Variants in SHANK1 observed in about 807,000 individuals in gnomAD.
SHANK1 encodes the protein SH3 and multiple ankyrin repeat domains protein 1.
A neutral mutation model predicts 165.6 loss-of-function variants in SHANK1; 35 were observed. That is an observed-to-expected ratio of 0.21 (90% CI 0.16 to 0.28). SHANK1 has a LOEUF of 0.28. Ranked by LOEUF, SHANK1 falls within the 10% of genes least tolerant of loss-of-function variation. The pLI, the probability that SHANK1 is intolerant of heterozygous loss-of-function variation, is 1.00. For synonymous variants in SHANK1, 1,428 were observed against 1,384.8 expected, an observed-to-expected ratio of 1.03 and a Z score of -0.69; for missense variants, 2,681 against 3,036.4, an observed-to-expected ratio of 0.88 and a Z score of 2.75.
At chr19:50,677,268 T>C (rs570803177) in intron 21 of SHANK1, among the ~76,000 whole-genome samples, 23 of 151,956 alleles carry the variant, frequency 1.5e-4, no homozygotes, top group Non-Finnish European at 2.2e-4. Flanking sequence ...GCTGAGACTA[T>C]AGGTTCCCAC....
intron 23 of SHANK1, among the ~76,000 whole-genome samples, chr19:50,664,687 C>A (rs1985407579): frequency 6.6e-6 from 1 of 152,218 alleles, no homozygotes; most frequent in Non-Finnish European, 1.5e-5. Context: ...ATTTCAGGGA[C>A]TGTCAGAAAG....
chr19:50,685,924 A>G (rs186224756), intron 21 of SHANK1, among the ~76,000 whole-genome samples: 88 of 152,052 alleles, frequency 5.8e-4, no homozygotes, highest in African/African-American at 1.9e-3. Context: ...CCATGACATC[A>G]TTTTGCCTTC....
chr19:50,670,296 T>A lies in SHANK1; in HGVS notation c.2675-1011A>T, dbSNP rs10417961. Among the ~76,000 whole-genome samples the A allele has an allele frequency of 0.3, 45,754 of 151,942 alleles. 7,864 individuals carry two copies. Among genetic ancestry groups the A allele is most frequent in the African/African-American group, 0.47 (19,495 of 41,400 alleles). On this transcript the variant is annotated intron_variant, in intron 22 of 23. Transcript: ENST00000293441. This position sits in a 1 kb window ranked among gnomAD's most constrained non-coding sequence, Gnocchi z 4.1. ...TCTTCCTCAAGTCACCCACATCCAA[T>A]CCACCAGCAAATCCTGTTGTTTCAA...
Position 50,668,410 on chromosome 19 carries a change from G to C in SHANK1, c.3550C>G (p.Gln1184Glu). Residue 1184 changes from glutamine to glutamate, a missense_variant, in exon 23 of 24, where the codon CAG becomes GAG. Coordinates refer to ENST00000293441, the MANE Select transcript of SHANK1 (RefSeq NM_016148.5). Reference protein sequence around the residue: ...GSSTEAEPPTQPEPTGGGGGG... With the variant: ...GSSTEAEPPTEPEPTGGGGGG... Reference sequence around the variant, plus strand: ...CCGCCGCCTCCCGTGGGCTCCGGCTGGGTGGGGGGCTCCGCCTCGGTGCTG... The same window carrying C: ...CCGCCGCCTCCCGTGGGCTCCGGCTCGGTGGGGGGCTCCGCCTCGGTGCTG... 7.5e-7 allele frequency: 1 copy of C among 1,324,818 alleles called. No individual in the cohort carries two copies. The highest frequency in any genetic ancestry group is 2.8e-5 in the South Asian group (1 of 35,564). 82.1% of individuals were successfully genotyped at this position (1,324,818 alleles called of 1,614,324 possible).
At position 50,666,230 on chromosome 19, in the gene SHANK1, G is replaced by T; in HGVS notation, c.5730C>A (p.Ser1910Arg). ...GGGAGGAGGTCCTCTCGGGGACATA[G>T]CTGGCTCCCCCGTGGTGGCTGTCTC... ...GGGDSHHGGA[S>R]YVPERTSSLQ... Residue 1910 changes from serine to arginine, a missense_variant, in exon 23 of 24, where the codon AGC (serine) becomes AGA (arginine). By Grantham distance (110) the Ser-to-Arg change is moderately radical. Transcript: ENST00000293441. 6.2e-7 allele frequency: 1 copy of T among 1,608,088 alleles called. No homozygotes were observed. The highest frequency in any genetic ancestry group is 1.1e-5 in the South Asian group (1 of 89,892).
chr19:50,694,792 G>A (rs1475648267), intron 15 of SHANK1, among the ~76,000 whole-genome samples: 1 of 148,112 alleles, frequency 6.8e-6, no homozygotes, highest in East Asian at 2.0e-4. Context: ...GGGGCGGGTT[G>A]GGGGAAGGGG....
At chr19:50,695,289 C>G (rs1432991876) in intron 15 of SHANK1, among the ~76,000 whole-genome samples, 4 of 146,648 alleles carry the variant, frequency 2.7e-5, no homozygotes, top group Non-Finnish European at 4.5e-5. Flanking sequence ...CGGGCCGCGG[C>G]GGTAGCGCGA....
intron 15 of SHANK1, among the ~76,000 whole-genome samples, chr19:50,691,350 C>G (rs3902011): frequency 0.019 from 2,926 of 152,210 alleles, 62 homozygotes; most frequent in African/African-American, 0.048. Context: ...TTCCAGGTCT[C>G]CAAGGCCCCC....
rs892452103 is a variant in SHANK1, at chr19:50,660,010, C to T, written c.*1955G>A. ...CATGGTGAGGGGAGGGGGCTTGCAG[C>T]CCCCTCCCCTCATGGACGGAGCGCC... On this transcript the variant is annotated 3_prime_UTR_variant, in exon 24 of 24. Coordinates refer to ENST00000293441, the MANE Select transcript of SHANK1 (RefSeq NM_016148.5). 2.0e-5 allele frequency among the ~76,000 whole-genome samples: 3 copies of T among 150,282 alleles called. No individual in the cohort carries two copies. The highest frequency in any genetic ancestry group is 4.5e-5 in the Non-Finnish European group (3 of 67,378).
In SHANK1 at chr19:50,666,390, T is replaced by C; in HGVS notation, c.5570A>G (p.Gln1857Arg). 1 of 1,613,426 alleles carries C rather than the reference T, an allele frequency of 6.2e-7. No homozygotes were observed. Among genetic ancestry groups the C allele is most frequent in the East Asian group, 2.2e-5 (1 of 44,858 alleles). The change falls in exon 23 of 24, where the codon CAG (glutamine) becomes CGG (arginine). Residue 1857 changes from glutamine to arginine, a missense_variant. Physicochemically the swap from Gln to Arg is conservative, Grantham distance 43. Coordinates refer to ENST00000293441, the MANE Select transcript of SHANK1 (RefSeq NM_016148.5). ...PPPPLPGPLA[Q>R]PQASALATVK... ...TGTGGCCAAGGCTGAGGCCTGAGGC[T>C]GGGCCAAGGGCCCGGGCAGAGGTGG...
Position 50,668,361 on chromosome 19 carries a change from G to T in SHANK1, c.3599C>A (p.Pro1200His). ...GGGCACGGGTGACATGGCCGGGGCGGGGCTGGGCGAGGAGCCGCCGCCGCC... is the reference window on the plus strand; with the variant it reads ...GGGCACGGGTGACATGGCCGGGGCGTGGCTGGGCGAGGAGCCGCCGCCGCC... ...GGGGGGSSPS[P>H]APAMSPVPPS... Residue 1200 changes from proline (P) to histidine (H), a missense_variant, in exon 23 of 24, where the codon CCC (proline) becomes CAC (histidine). Pro to His is a moderately conservative substitution (Grantham distance 77, BLOSUM62 -2). This residue lies in a region of SHANK1 where 1,713 missense variants were observed against 1,630.2 expected (regional missense o/e 1.05). Transcript: ENST00000293441. The T allele has an allele frequency of 7.9e-7, 1 of 1,264,058 alleles. No homozygotes were observed. 78.3% of individuals were successfully genotyped at this position (1,264,058 alleles called of 1,614,324 possible).
At chr19:50,704,395 C>T in intron 9 of SHANK1, 42 bp downstream of exon 9, 1 of 1,586,066 alleles carries the variant, frequency 6.3e-7, no homozygotes, top group Non-Finnish European at 8.7e-7. Context: ...TCACCCTTTC[C>T]TTAGCCCTGG....
chr19:50,666,830 AC>A lies in SHANK1; in HGVS notation c.5129del (p.Gly1710ValfsTer43). ...CCACACCGGCCCCAGCCCCGCCCCC[AC>A]CCCCTGCGCTGCCACCACCTTCGGC... ...LSAEGGGSAGGGGGAGAGVAS... is the reference protein window; with the variant it reads ...LSAEGGGSAGXGGGAGAGVAS... On this transcript the variant is annotated frameshift_variant, in exon 23 of 24. Transcript: ENST00000293441. LOFTEE classifies it high-confidence loss of function. 6.4e-7 allele frequency: 1 copy of A among 1,550,538 alleles called. No individual in the cohort carries two copies.
chr19:50,695,149 C>T (rs1190912920), intron 15 of SHANK1, among the ~76,000 whole-genome samples: 2 of 146,450 alleles, frequency 1.4e-5, no homozygotes, highest in African/African-American at 2.5e-5. Context: ...GTCCGGGCCC[C>T]CAGGCCCCGC....
Position 50,667,148 on chromosome 19 carries a change from A to G in SHANK1, c.4812T>C (p.Pro1604=), listed in dbSNP as rs1466227692. The change falls in exon 23 of 24, where the codon CCT becomes CCC. Residue 1604 remains proline (P), a synonymous_variant. Coordinates refer to ENST00000293441, the MANE Select transcript of SHANK1 (RefSeq NM_016148.5). The surrounding 1 kb of genome is among the most constrained non-coding windows in gnomAD (Gnocchi z 5.7). Reference sequence around the variant, plus strand: ...CTGCGGCCACAGCCGGGGGTGGCACAGGGGGTAACGGGGTGGCAGGGGCAG... The same window carrying G: ...CTGCGGCCACAGCCGGGGGTGGCACGGGGGGTAACGGGGTGGCAGGGGCAG... The part of the protein sequence containing the change: ...DTPAPATPLP[P]VPPPAVAAAP... The G allele has an allele frequency of 1.6e-5, 21 of 1,329,144 alleles. No homozygotes were observed. In the Admixed American group the frequency reaches 3.9e-4, roughly 25 times the overall value. 82.3% of individuals were successfully genotyped at this position (1,329,144 alleles called of 1,614,324 possible). A position where few individuals can be genotyped will look rare whatever the true frequency, so the allele number is the denominator to read the frequency against.
At chr19:50,683,542 G>A (rs1464251704) in intron 21 of SHANK1, among the ~76,000 whole-genome samples, 2 of 152,026 alleles carry the variant, frequency 1.3e-5, no homozygotes, top group Admixed American at 6.6e-5. Flanking sequence ...GCACATCACG[G>A]CCTTCTCGCA....
Position 50,706,582 on chromosome 19 carries a change from A to G in SHANK1, c.1078-2068T>C, listed in dbSNP as rs371541661. 1.3e-4 allele frequency among the ~76,000 whole-genome samples: 19 copies of G among 151,736 alleles called. No homozygotes were observed. In the East Asian group the frequency reaches 2.1e-3, roughly 17 times the overall value. On this transcript the variant is annotated intron_variant, in intron 8 of 23. Transcript: ENST00000293441. ...GGCCACCTCCTTCCTCTGACAGCAC[A>G]CTAATGCCCCAGGACCTTTGCACGG...
intron 21 of SHANK1, among the ~76,000 whole-genome samples, chr19:50,675,055 C>T (rs1226348426): frequency 8.9e-6 from 1 of 112,900 alleles, no homozygotes; most frequent in African/African-American, 3.8e-5. Flanking sequence ...GAGCAACACT[C>T]GGTCTCAAAA....
chr19:50,681,149 C>G lies in SHANK1; in HGVS notation c.2577+5088G>C, dbSNP rs182167790. ...GAACAAGACCAGACGTCGAGAGAGG[C>G]CACCAAGATGCAGAAACCTCATGAA... On this transcript the variant is annotated intron_variant, in intron 21 of 23. Coordinates refer to ENST00000293441, the MANE Select transcript of SHANK1 (RefSeq NM_016148.5). Among the ~76,000 whole-genome samples, 232 of 151,440 alleles carry G rather than the reference C, an allele frequency of 1.5e-3. 1 individual carries two copies. The highest frequency in any genetic ancestry group is 2.8e-4 in the Non-Finnish European group (19 of 67,882).
Sources: gnomAD v4.1 joint callset for allele counts (sites outside exome capture counted in the v4.1 genomes callset) on GRCh38, gnomAD v4.1.1 for gene constraint, gnomAD v4.1.1 regional missense constraint, Gnocchi (gnomAD v3.1) non-coding constraint, MANE v1.5 for transcripts, NCBI Gene and HGNC (gene_info 2026-07-23, HGNC 2026-07-21) for gene names.